Variants in TMEM117 observed in about 807,000 individuals in gnomAD.
The protein encoded by TMEM117 is transmembrane protein 117.
A neutral mutation model predicts 52.4 loss-of-function variants in TMEM117; 27 were observed. The ratio of observed to expected loss-of-function variants is 0.51; its 90% CI spans 0.38 to 0.71. The LOEUF is 0.71. Among genes scored for constraint, TMEM117 ranks in the 30% least tolerant of loss-of-function variants. The probability of loss-of-function intolerance (pLI) is 0.00; values close to 1 mark genes in which losing one functional copy is unlikely to be tolerated. For missense variants in TMEM117, 556 were observed against 630.5 expected, an observed-to-expected ratio of 0.88 and a Z score of 1.26; for synonymous variants, 215 against 206.3, an observed-to-expected ratio of 1.04 and a Z score of -0.36.
At chr12:43,807,070 C>G in the TMEM117 span, among the ~76,000 whole-genome samples, 4 of 152,030 alleles carry the variant, frequency 2.6e-5, no homozygotes, top group Non-Finnish European at 5.9e-5. Context: ...TTTTCCTTTC[C>G]TGCTTTTACA....
intron 5 of TMEM117, among the ~76,000 whole-genome samples, chr12:44,213,473 G>A (rs1949673820): frequency 1.3e-5 from 2 of 152,184 alleles, no homozygotes; most frequent in South Asian, 4.1e-4. Flanking sequence ...TGTGTTTATG[G>A]ATGGTCTCTC....
At chr12:44,063,011 A>G (rs73091741) in intron 3 of TMEM117, among the ~76,000 whole-genome samples, 1 of 152,126 alleles carries the variant, frequency 6.6e-6, no homozygotes, top group Non-Finnish European at 1.5e-5. Context: ...CATGGGTGAA[A>G]TGATGTCATG....
chr12:43,997,346 TTTC>T (rs1417439572), intron 3 of TMEM117, among the ~76,000 whole-genome samples: 1 of 152,178 alleles, frequency 6.6e-6, no homozygotes, highest in African/African-American at 2.4e-5. Flanking sequence ...TGTTTCCATT[TTTC>T]TTCTTATTTT....
rs183787284 is a variant in TMEM117 at position 43,986,940 on chromosome 12, A to C, written c.410+42598A>C. On this transcript the variant is annotated intron_variant, in intron 3 of 7. Transcript: ENST00000266534. ...ATAAGTTTTATTTTATTCTTTTTTAAGTCATATTTTCTCCCTTCTATACAG... is the reference window on the plus strand; with the variant it reads ...ATAAGTTTTATTTTATTCTTTTTTACGTCATATTTTCTCCCTTCTATACAG... Among the ~76,000 whole-genome samples, 135 of 152,192 alleles carry C rather than the reference A, an allele frequency of 8.9e-4. 2 individuals are homozygous for C. In the Middle Eastern group the frequency reaches 0.014, roughly 15 times the overall value.
chr12:43,817,634 A>G, the TMEM117 span, among the ~76,000 whole-genome samples: 1 of 152,222 alleles, frequency 6.6e-6, no homozygotes, highest in Non-Finnish European at 1.5e-5. Flanking sequence ...TCAGGCAATA[A>G]ATTATGTTAG....
At chr12:44,144,680 T>G (rs1311400772) in intron 4 of TMEM117, among the ~76,000 whole-genome samples, 1 of 152,226 alleles carries the variant, frequency 6.6e-6, no homozygotes, top group African/African-American at 2.4e-5. Flanking sequence ...ACCAAAGGGT[T>G]TGTATGGCCT....
At chr12:44,209,827 C>T (rs553036696) in intron 4 of TMEM117, among the ~76,000 whole-genome samples, 27 of 152,184 alleles carry the variant, frequency 1.8e-4, no homozygotes, top group Middle Eastern at 6.8e-3. Context: ...GATTGTGTCA[C>T]CTAAGTGAGC....
intron 3 of TMEM117, among the ~76,000 whole-genome samples, chr12:44,118,202 A>G (rs1948177412): frequency 6.6e-6 from 1 of 152,220 alleles, no homozygotes; most frequent in Admixed American, 6.5e-5. Flanking sequence ...GAAGAAAGAC[A>G]AATAAATAAA....
At chr12:44,206,208 C>T (rs1411801586) in intron 4 of TMEM117, among the ~76,000 whole-genome samples, 1 of 152,202 alleles carries the variant, frequency 6.6e-6, no homozygotes. Flanking sequence ...GGGACAGGCT[C>T]TGCCTTGTTA....
intron 3 of TMEM117, among the ~76,000 whole-genome samples, chr12:44,044,422 G>T (rs1225587753): frequency 1.3e-5 from 2 of 152,194 alleles, no homozygotes; most frequent in Admixed American, 6.5e-5. Flanking sequence ...CATGCAACCT[G>T]AATGAACTGG....
intron 2 of TMEM117, among the ~76,000 whole-genome samples, chr12:43,922,497 G>C (rs1393156844): frequency 6.6e-6 from 1 of 152,110 alleles, no homozygotes; most frequent in African/African-American, 2.4e-5. Context: ...CATTACAATA[G>C]AGTGACACAT....
chr12:44,117,006 T>G (rs897649816), intron 3 of TMEM117, among the ~76,000 whole-genome samples: 2 of 152,202 alleles, frequency 1.3e-5, no homozygotes, highest in Admixed American at 6.5e-5. Flanking sequence ...CATCCAAGCT[T>G]AGAATCATTG....
chr12:44,159,983 CAGAG>C (rs542833354), intron 4 of TMEM117, among the ~76,000 whole-genome samples: 139 of 152,166 alleles, frequency 9.1e-4, no homozygotes, highest in Non-Finnish European at 1.7e-3. Flanking sequence ...AGTTTCAAAT[CAGAG>C]AGAGGATGAA....
chr12:44,251,077 A>G (rs1254625539), intron 5 of TMEM117, among the ~76,000 whole-genome samples: 1 of 152,162 alleles, frequency 6.6e-6, no homozygotes, highest in Non-Finnish European at 1.5e-5. Flanking sequence ...GTCTTGACTC[A>G]GCATTACATA....
chr12:44,116,748 T>G (rs911436091), intron 3 of TMEM117, among the ~76,000 whole-genome samples: 11 of 152,200 alleles, frequency 7.2e-5, no homozygotes, highest in African/African-American at 2.2e-4. Flanking sequence ...AGATACTGAA[T>G]TTCTTTTAAC....
intron 4 of TMEM117, among the ~76,000 whole-genome samples, chr12:44,177,143 G>A (rs1437992559): frequency 2.6e-5 from 4 of 151,940 alleles, no homozygotes; most frequent in African/African-American, 7.3e-5. Context: ...TTCAATTTAC[G>A]GTGCAGTACC....
intron 3 of TMEM117, among the ~76,000 whole-genome samples, chr12:43,999,988 T>G (rs1477370684): frequency 2.0e-5 from 3 of 152,344 alleles, no homozygotes; most frequent in Admixed American, 2.0e-4. Flanking sequence ...TGGCACAAAT[T>G]AAATCCTGAA....
the TMEM117 span, among the ~76,000 whole-genome samples, chr12:43,818,539 C>G: frequency 6.6e-6 from 1 of 151,804 alleles, no homozygotes. Context: ...CTCCCGGGTT[C>G]AAGCAATTCT....
At chr12:44,025,027 A>T (rs1946511670) in intron 3 of TMEM117, among the ~76,000 whole-genome samples, 1 of 152,178 alleles carries the variant, frequency 6.6e-6, no homozygotes, top group South Asian at 2.1e-4. Context: ...TCCACCACAT[A>T]CATAATAGGA....
Sources: gnomAD v4.1 joint callset for allele counts (sites outside exome capture counted in the v4.1 genomes callset) on GRCh38, gnomAD v4.1.1 for gene constraint, MANE v1.5 for transcripts, NCBI Gene and HGNC (gene_info 2026-07-23, HGNC 2026-07-21) for gene names.